BRD10: variants seen among roughly 807,000 people sequenced by gnomAD.
BRD10 encodes the protein uncharacterized bromodomain-containing protein 10.
chr9:5,921,869 G>A, the BRD10 span: 1 of 1,613,984 alleles, frequency 6.2e-7, no homozygotes, highest in Admixed American at 1.7e-5. Context: ...ACTGCCAGTG[G>A]TGTGGCCTAA....
the BRD10 span, chr9:5,906,885 G>A: frequency 3.2e-6 from 5 of 1,566,820 alleles, no homozygotes; most frequent in Non-Finnish European, 4.3e-6. Flanking sequence ...TACATTTCAG[G>A]ATAAAAGTCT....
the BRD10 span, chr9:5,908,598 C>T: frequency 2.2e-5 from 34 of 1,517,602 alleles, no homozygotes; most frequent in African/African-American, 4.1e-4. Flanking sequence ...GAAACACATA[C>T]ACTGTTGCCA....
At chr9:5,994,379 A>G in the BRD10 span, among the ~76,000 whole-genome samples, 1 of 152,230 alleles carries the variant, frequency 6.6e-6, no homozygotes, top group Non-Finnish European at 1.5e-5. Flanking sequence ...TCTTATCTGC[A>G]GCTATAAGCT....
At chr9:5,920,835 A>G in the BRD10 span, 1 of 1,613,966 alleles carries the variant, frequency 6.2e-7, no homozygotes, top group Admixed American at 1.7e-5. Context: ...ATCAGAACAG[A>G]TGATGCAAGG....
chr9:5,902,972 T>C, the BRD10 span, among the ~76,000 whole-genome samples: 1 of 152,236 alleles, frequency 6.6e-6, no homozygotes, highest in Non-Finnish European at 1.5e-5. Context: ...TACATTTCCC[T>C]CTAAATACTG....
the BRD10 span, among the ~76,000 whole-genome samples, chr9:5,916,848 A>G: frequency 1.4e-4 from 21 of 152,172 alleles, no homozygotes; most frequent in Admixed American, 1.2e-3. Context: ...GTATGCCTTT[A>G]TAGACGCCCT....
At chr9:6,000,555 G>C in the BRD10 span, among the ~76,000 whole-genome samples, 6 of 152,222 alleles carry the variant, frequency 3.9e-5, no homozygotes, top group Admixed American at 1.3e-4. Flanking sequence ...CAAATATAAG[G>C]AGAAACAAAC....
the BRD10 span, among the ~76,000 whole-genome samples, chr9:5,915,094 T>C: frequency 2.0e-5 from 3 of 152,348 alleles, no homozygotes; most frequent in Admixed American, 1.3e-4. Context: ...TTGTTCATGA[T>C]ATTATTTGCT....
the BRD10 span, among the ~76,000 whole-genome samples, chr9:5,932,798 C>T: frequency 6.6e-6 from 1 of 152,114 alleles, no homozygotes; most frequent in Non-Finnish European, 1.5e-5. Flanking sequence ...TTGGACCCCA[C>T]AAAGACAATT....
the BRD10 span, chr9:5,919,730 G>T: frequency 1.9e-6 from 3 of 1,612,744 alleles, no homozygotes; most frequent in African/African-American, 4.0e-5. Flanking sequence ...CGACTGAAAA[G>T]CAGGGAAGAC....
At chr9:5,912,297 A>G in the BRD10 span, among the ~76,000 whole-genome samples, 16 of 152,276 alleles carry the variant, frequency 1.1e-4, 1 homozygote, top group East Asian at 7.7e-4. Context: ...TCCAAATATA[A>G]CATCATATTA....
chr9:5,997,308 C>G, the BRD10 span, among the ~76,000 whole-genome samples: 1 of 152,158 alleles, frequency 6.6e-6, no homozygotes, highest in Non-Finnish European at 1.5e-5. Flanking sequence ...TCCCCACAAA[C>G]TAGTGATTTT....
chr9:5,957,155 G>C, the BRD10 span, among the ~76,000 whole-genome samples: 1 of 152,114 alleles, frequency 6.6e-6, no homozygotes, highest in African/African-American at 2.4e-5. Flanking sequence ...CAGATACTTA[G>C]TAAAGTGGTC....
chr9:5,904,749 G>C, the BRD10 span, among the ~76,000 whole-genome samples: 1 of 149,960 alleles, frequency 6.7e-6, no homozygotes. Flanking sequence ...ACAGGCGTGA[G>C]CCACCGCGCC....
At chr9:5,966,082 TC>T in the BRD10 span, among the ~76,000 whole-genome samples, 1 of 152,214 alleles carries the variant, frequency 6.6e-6, no homozygotes, top group Admixed American at 6.5e-5. Context: ...AGATCTGACT[TC>T]CTAAAATTTG....
chr9:5,897,017 C>G, the BRD10 span, among the ~76,000 whole-genome samples: 1 of 152,192 alleles, frequency 6.6e-6, no homozygotes. Flanking sequence ...TGATCACCAG[C>G]GAGTCATGTA....
At chr9:6,002,349 G>A in the BRD10 span, among the ~76,000 whole-genome samples, 1 of 151,964 alleles carries the variant, frequency 6.6e-6, no homozygotes, top group Non-Finnish European at 1.5e-5. Flanking sequence ...AGAACTACAT[G>A]GAATATCAAG....
At chr9:5,918,314 T>C in the BRD10 span, among the ~76,000 whole-genome samples, 4 of 152,300 alleles carry the variant, frequency 2.6e-5, no homozygotes, top group East Asian at 3.9e-4. Flanking sequence ...AATAACTTCA[T>C]GTGATGAAGT....
the BRD10 span, among the ~76,000 whole-genome samples, chr9:5,941,222 A>G: frequency 6.6e-6 from 1 of 152,214 alleles, no homozygotes; most frequent in African/African-American, 2.4e-5. Context: ...AAGATCAGGT[A>G]AAGTTATCAA....
Sources: allele counts gnomAD v4.1 joint callset (sites outside exome capture counted in the v4.1 genomes callset), GRCh38; gene constraint gnomAD v4.1.1; transcripts MANE v1.5; gene names NCBI Gene and HGNC (gene_info 2026-07-23, HGNC 2026-07-21).